Variants in SRP72 observed in about 807,000 individuals in gnomAD.
The protein encoded by SRP72 is signal recognition particle 72, also known as signal recognition particle subunit SRP72.
SRP72 carries 49 observed loss-of-function variants against 96.3 expected under a neutral mutation model. The observed-to-expected ratio is 0.51, with a 90% confidence interval of 0.40 to 0.65. SRP72 has a LOEUF of 0.65. Ranked by LOEUF, SRP72 falls within the 30% of genes least tolerant of loss-of-function variation. The probability of loss-of-function intolerance (pLI) is 0.00; values close to 1 mark genes in which losing one functional copy is unlikely to be tolerated. For synonymous variants in SRP72, 267 were observed against 275.2 expected (o/e 0.97, Z 0.30); for missense variants, 736 against 793.3 (o/e 0.93, Z 0.87).
At chr4:56,486,178 T>C (rs1386038294) in intron 10 of SRP72, 147 bp from the exon 11 acceptor site, 3 of 552,596 alleles carry the variant, frequency 5.4e-6, no homozygotes, top group African/African-American at 3.8e-5. Context: ...GAATAAAAAT[T>C]TCCCCAAGTT....
rs1720868792 is a variant in SRP72, at chr4:56,490,491, T to A, written c.1424+55T>A. 5.6e-6 allele frequency: 9 copies of A among 1,596,180 alleles called. No homozygotes were observed. In the South Asian group the frequency reaches 8.9e-5, roughly 16 times the overall value. ...TAACACATTTATTGTTGCTACTTGA[T>A]ATGAGGGAGTTACTTGTTTATATTA... On this transcript the variant is annotated intron_variant, in intron 14 of 18. Transcript: ENST00000642900.
intron 3 of SRP72, among the ~76,000 whole-genome samples, chr4:56,472,969 T>C (rs1720038782): frequency 6.6e-6 from 1 of 152,146 alleles, no homozygotes; most frequent in Admixed American, 6.5e-5. Flanking sequence ...ACCTGTGTGA[T>C]AGCTGGTTTC....
chr4:56,496,825 TACAAATATAAAAATTAGCCGAGC>T (rs1337262298), intron 17 of SRP72, among the ~76,000 whole-genome samples: 1 of 152,092 alleles, frequency 6.6e-6, no homozygotes, highest in Non-Finnish European at 1.5e-5. Flanking sequence ...CCATCTCTAG[TACAAATATAAAAATTAGCCGAGC>T]AGTACTCATG....
At chr4:56,484,406 A>C (rs1720628269) in intron 9 of SRP72, among the ~76,000 whole-genome samples, 1 of 152,112 alleles carries the variant, frequency 6.6e-6, no homozygotes, top group Admixed American at 6.5e-5. Flanking sequence ...AAATACATAT[A>C]TGCATTTTGT....
At chr4:56,475,988 A>C (rs1482690132) in intron 5 of SRP72, 1 of 152,312 alleles carries the variant, frequency 6.6e-6, no homozygotes, top group Non-Finnish European at 1.5e-5. Flanking sequence ...ACAACCAATA[A>C]CATTAAAAAA....
intron 16 of SRP72, among the ~76,000 whole-genome samples, chr4:56,494,667 G>A (rs927097376): frequency 3.9e-5 from 6 of 152,012 alleles, no homozygotes; most frequent in Admixed American, 6.6e-5. Flanking sequence ...GCCTCCCATC[G>A]TGCTGGGATT....
chr4:56,500,694 C>A lies in SRP72; in HGVS notation c.1837C>A (p.Leu613Met), dbSNP rs757510696. The change falls in exon 18 of 19, where the codon CTG becomes ATG. Residue 613 changes from leucine (L) to methionine (M), a missense_variant and splice_region_variant. Leu to Met is a conservative substitution (Grantham distance 15). Around this residue, in one of 3 missense-constraint regions of SRP72, gnomAD observed 388 missense variants for 431.8 expected, o/e 0.90. Coordinates refer to ENST00000642900, the MANE Select transcript of SRP72 (RefSeq NM_006947.4). ...QGATAGASSELDASKTVSSPP... is the reference protein window; with the variant it reads ...QGATAGASSEMDASKTVSSPP... ...AGCAACTGCAGGAGCTTCATCTGAACTGTAAGTTATTGCTCCACAATTGAG... is the reference window on the plus strand; with the variant it reads ...AGCAACTGCAGGAGCTTCATCTGAAATGTAAGTTATTGCTCCACAATTGAG... 1 of 1,612,442 alleles carries A rather than the reference C, an allele frequency of 6.2e-7. No homozygotes were observed. Among genetic ancestry groups the A allele is most frequent in the South Asian group, 1.1e-5 (1 of 90,896 alleles).
At chr4:56,486,544 A>G (rs1720717139) in intron 11 of SRP72, 147 bp downstream of exon 11, 6 of 589,184 alleles carry the variant, frequency 1.0e-5, no homozygotes, top group Non-Finnish European at 1.7e-5. Flanking sequence ...AGATTGTATG[A>G]TCTCCAACAG....
chr4:56,483,703 C>G (rs112797205), intron 9 of SRP72, among the ~76,000 whole-genome samples: 1,659 of 151,964 alleles, frequency 0.011, 29 homozygotes, highest in African/African-American at 0.038. Context: ...TATTATGTGT[C>G]ATAGATTTTA....
chr4:56,499,901 A>G (rs964557864), intron 17 of SRP72, among the ~76,000 whole-genome samples: 1 of 152,216 alleles, frequency 6.6e-6, no homozygotes, highest in African/African-American at 2.4e-5. Flanking sequence ...TTCTGCTATA[A>G]AGACACATGC....
intron 17 of SRP72, among the ~76,000 whole-genome samples, chr4:56,496,137 CT>C (rs1018747389): frequency 4.6e-5 from 7 of 152,144 alleles, no homozygotes; most frequent in Non-Finnish European, 7.3e-5. Flanking sequence ...CATTACCGTG[CT>C]TGATTTTACC....
At chr4:56,494,407 CTT>C (rs56291298) in intron 16 of SRP72, among the ~76,000 whole-genome samples, 93 of 138,192 alleles carry the variant, frequency 6.7e-4, no homozygotes, top group African/African-American at 1.1e-3. Context: ...TTTCAGAATG[CTT>C]TTTTTTTTTT....
intron 8 of SRP72, among the ~76,000 whole-genome samples, chr4:56,480,417 A>T (rs972458757): frequency 1.3e-5 from 2 of 151,990 alleles, no homozygotes; most frequent in Non-Finnish European, 2.9e-5. Context: ...GTGCCACCAC[A>T]CCCGGCTAAT....
chr4:56,489,988 G>T lies in SRP72; in HGVS notation c.1321-345G>T, dbSNP rs12649799. ...TGTTAGTACTGTTAGCAGTGGAGGG[G>T]TATCAGTGCTCTGGGAAAGTATTAT... On this transcript the variant is annotated intron_variant, in intron 13 of 18. Coordinates refer to ENST00000642900, the MANE Select transcript of SRP72 (RefSeq NM_006947.4). 0.13 allele frequency among the ~76,000 whole-genome samples: 19,825 copies of T among 152,178 alleles called. 1,641 individuals are homozygous for T. The highest frequency in any genetic ancestry group is 0.27 in the East Asian group (1,400 of 5,166).
Position 56,474,266 on chromosome 4 carries a change from T to G in SRP72, c.499-14T>G. 1 of 1,613,764 alleles carries G rather than the reference T, an allele frequency of 6.2e-7. No homozygotes were observed. The highest frequency in any genetic ancestry group is 8.5e-7 in the Non-Finnish European group (1 of 1,179,852). ...TCATATTTAGTATTTAACTGGTATTTTGTCCCCTGACAGGAGAACCTGGGC... is the reference window on the plus strand; with the variant it reads ...TCATATTTAGTATTTAACTGGTATTGTGTCCCCTGACAGGAGAACCTGGGC... On this transcript the variant is annotated splice_polypyrimidine_tract_variant and intron_variant, in intron 4 of 18. Coordinates refer to ENST00000642900, the MANE Select transcript of SRP72 (RefSeq NM_006947.4).
chr4:56,493,190 A>G (rs915474952), intron 16 of SRP72, among the ~76,000 whole-genome samples: 5 of 151,850 alleles, frequency 3.3e-5, no homozygotes, highest in African/African-American at 1.2e-4. Context: ...GGTGCCTGCC[A>G]TCACGCCTGG....
At chr4:56,473,944 G>C (rs190664041) in intron 3 of SRP72, 110 bp from the exon 4 acceptor site, 2 of 1,035,664 alleles carry the variant, frequency 1.9e-6, no homozygotes, top group Non-Finnish European at 2.8e-6. Flanking sequence ...GATTGTTCAT[G>C]TTATGCTGAA....
At chr4:56,494,347 A>G (rs1288973975) in intron 16 of SRP72, among the ~76,000 whole-genome samples, 1 of 151,958 alleles carries the variant, frequency 6.6e-6, no homozygotes, top group Admixed American at 6.6e-5. Context: ...TATATCACAT[A>G]AGAATATATA....
intron 9 of SRP72, 80 bp from the exon 10 acceptor site, chr4:56,484,656 T>A: frequency 1.3e-6 from 2 of 1,560,520 alleles, no homozygotes; most frequent in Non-Finnish European, 1.8e-6. Context: ...GATTTTCCCA[T>A]GTTTCTTTTC....
Sources: gnomAD v4.1 joint callset for allele counts (sites outside exome capture counted in the v4.1 genomes callset) on GRCh38, gnomAD v4.1.1 for gene constraint, gnomAD v4.1.1 regional missense constraint, MANE v1.5 for transcripts, NCBI Gene and HGNC (gene_info 2026-07-23, HGNC 2026-07-21) for gene names.